Variants in SORCS2 observed in about 807,000 individuals in gnomAD.
The protein encoded by SORCS2 is VPS10 domain-containing receptor SorCS2.
SORCS2 carries 100 observed loss-of-function variants against 141.6 expected under a neutral mutation model. That is an observed-to-expected ratio of 0.71 (90% CI 0.60 to 0.83). SORCS2 has a LOEUF of 0.83. Ranked by LOEUF, SORCS2 falls within the 40% of genes least tolerant of loss-of-function variation. The pLI is 0.00. For synonymous variants in SORCS2, 789 were observed against 676.9 expected (o/e 1.17, Z -2.57); for missense variants, 1,646 against 1,560.2 (o/e 1.05, Z -0.93).
At chr4:7,602,577 C>T (rs1041470763) in intron 3 of SORCS2, among the ~76,000 whole-genome samples, 7 of 150,210 alleles carry the variant, frequency 4.7e-5, no homozygotes, top group African/African-American at 1.5e-4. Flanking sequence ...CGGGAAGAGG[C>T]GCTCCTCACT....
intron 2 of SORCS2, among the ~76,000 whole-genome samples, chr4:7,476,351 G>A (rs1472567293): frequency 6.6e-6 from 1 of 152,148 alleles, no homozygotes; most frequent in Non-Finnish European, 1.5e-5. Context: ...AGGCAGGAGT[G>A]GGTGCAGCCC....
intron 16 of SORCS2, among the ~76,000 whole-genome samples, chr4:7,714,797 C>G (rs1233999149): frequency 6.6e-6 from 1 of 152,202 alleles, no homozygotes; most frequent in Non-Finnish European, 1.5e-5. Flanking sequence ...ACAGCTCACC[C>G]ACCTGCCACC....
chr4:7,602,836 G>C (rs373332665), intron 3 of SORCS2, among the ~76,000 whole-genome samples: 1 of 152,328 alleles, frequency 6.6e-6, no homozygotes, highest in East Asian at 1.9e-4. Flanking sequence ...GTAGCCAACC[G>C]AGATCACGCC....
At chr4:7,249,765 C>T (rs958513630) in intron 1 of SORCS2, among the ~76,000 whole-genome samples, 5 of 152,200 alleles carry the variant, frequency 3.3e-5, no homozygotes, top group African/African-American at 1.2e-4. Flanking sequence ...CCCTTCCCCT[C>T]CTGCGGTATT....
intron 3 of SORCS2, among the ~76,000 whole-genome samples, chr4:7,607,016 A>T (rs571411204): frequency 3.6e-4 from 55 of 152,276 alleles, no homozygotes; most frequent in African/African-American, 1.3e-3. Flanking sequence ...TTTTCTCTGA[A>T]GCGATTTCAC....
At chr4:7,669,697 G>A (rs960195732) in intron 8 of SORCS2, among the ~76,000 whole-genome samples, 1 of 151,986 alleles carries the variant, frequency 6.6e-6, no homozygotes, top group African/African-American at 2.4e-5. Context: ...ATTGGAGCAG[G>A]GGACTCACCC....
At chr4:7,262,389 TCCATCC>T (rs1714414593) in intron 1 of SORCS2, among the ~76,000 whole-genome samples, 1 of 100,746 alleles carries the variant, frequency 9.9e-6, no homozygotes. Flanking sequence ...CATCCATCCA[TCCATCC>T]ATCCATCCAT....
chr4:7,679,386 A>G (rs572257302), intron 9 of SORCS2, among the ~76,000 whole-genome samples: 55 of 152,336 alleles, frequency 3.6e-4, no homozygotes, highest in African/African-American at 1.3e-3. Flanking sequence ...GGTGGCTCAC[A>G]TGCTAATACC....
At chr4:7,362,492 G>C (rs1721636365) in intron 1 of SORCS2, among the ~76,000 whole-genome samples, 1 of 152,182 alleles carries the variant, frequency 6.6e-6, no homozygotes, top group South Asian at 2.1e-4. Flanking sequence ...CACTCACTGA[G>C]CTGGTAGTAT....
In SORCS2 at chr4:7,392,155, C is replaced by A. The variant is rs543860347; in HGVS notation, c.481-4133C>A. On this transcript the variant is annotated intron_variant, in intron 1 of 26. Transcript: ENST00000507866. ...GGTCCTGGCTATCTGGAACACTCCACGCTGTGGAACTCCTCGTGTGGGCTC... is the reference window on the plus strand; with the variant it reads ...GGTCCTGGCTATCTGGAACACTCCAAGCTGTGGAACTCCTCGTGTGGGCTC... Among the ~76,000 whole-genome samples, 32 of 152,348 alleles carry A rather than the reference C, an allele frequency of 2.1e-4. No individual in the cohort carries two copies. The South Asian group carries it at 6.2e-3, about 30-fold the overall frequency.
chr4:7,620,641 G>A (rs1358155826), intron 3 of SORCS2, among the ~76,000 whole-genome samples: 1 of 152,214 alleles, frequency 6.6e-6, no homozygotes, highest in Non-Finnish European at 1.5e-5. Context: ...TGGAGGCGGT[G>A]GGTGTTGGGT....
intron 1 of SORCS2, among the ~76,000 whole-genome samples, chr4:7,323,231 G>C (rs1450279165): frequency 1.3e-5 from 2 of 152,208 alleles, no homozygotes; most frequent in Non-Finnish European, 2.9e-5. Context: ...GATAGCAAAA[G>C]AACAAAACTG....
chr4:7,310,819 C>G (rs1718135907), intron 1 of SORCS2, among the ~76,000 whole-genome samples: 1 of 152,244 alleles, frequency 6.6e-6, no homozygotes, highest in African/African-American at 2.4e-5. Flanking sequence ...GTGAATGAAA[C>G]TGCTCCCATG....
chr4:7,248,867 G>C (rs906724646), intron 1 of SORCS2, among the ~76,000 whole-genome samples: 3 of 152,224 alleles, frequency 2.0e-5, no homozygotes, highest in Admixed American at 1.3e-4. Context: ...GATAGCTCAG[G>C]GGGTGGGAAC....
At chr4:7,253,174 G>A (rs1434643954) in intron 1 of SORCS2, among the ~76,000 whole-genome samples, 1 of 152,252 alleles carries the variant, frequency 6.6e-6, no homozygotes, top group Non-Finnish European at 1.5e-5. Context: ...GAGCAGCCGG[G>A]CTAAGGATGC....
chr4:7,709,408 C>A (rs978640376), intron 14 of SORCS2, among the ~76,000 whole-genome samples: 32 of 152,226 alleles, frequency 2.1e-4, no homozygotes, highest in African/African-American at 7.7e-4. Flanking sequence ...GCCTTCATCC[C>A]CCACCCACAG....
At chr4:7,677,418 A>G (rs1249628495) in intron 9 of SORCS2, among the ~76,000 whole-genome samples, 1 of 152,260 alleles carries the variant, frequency 6.6e-6, no homozygotes, top group Admixed American at 6.5e-5. Flanking sequence ...CAGAGAAGGC[A>G]AATGACCTGC....
rs897960645 is a variant in SORCS2, at chr4:7,512,348, AGGAGGGAGGGAGGGATGGAG to A, written c.549-19170_549-19151del. The stretch of plus-strand genomic sequence containing the variant: ...GTTGGAAGAAAAAGCAAGGAATGGA[AGGAGGGAGGGAGGGATGGAG>A]GGAGGGAGGGAAGAAGGAGGGAAGA... On this transcript the variant is annotated intron_variant, in intron 2 of 26. Coordinates refer to ENST00000507866, the MANE Select transcript of SORCS2 (RefSeq NM_020777.3). 2.6e-5 allele frequency among the ~76,000 whole-genome samples: 3 copies of A among 113,732 alleles called. No individual in the cohort carries two copies. The South Asian group carries it at 1.2e-3, about 44-fold the overall frequency. The allele number at this position is 113,732 out of a possible 152,430, so 74.6% of individuals were successfully genotyped here. A position where few individuals can be genotyped will look rare whatever the true frequency, so the allele number is the denominator to read the frequency against.
chr4:7,394,115 C>A (rs564345619), intron 1 of SORCS2, among the ~76,000 whole-genome samples: 1 of 151,958 alleles, frequency 6.6e-6, no homozygotes, highest in Non-Finnish European at 1.5e-5. Flanking sequence ...GCCAGTAGAA[C>A]GATTCTGTCC....
Sources: allele counts gnomAD v4.1 joint callset (sites outside exome capture counted in the v4.1 genomes callset), GRCh38; gene constraint gnomAD v4.1.1; transcripts MANE v1.5; gene names NCBI Gene and HGNC (gene_info 2026-07-23, HGNC 2026-07-21).